CAVIN1: variants seen among roughly 807,000 people sequenced by gnomAD.
CAVIN1 encodes caveolae-associated protein 1.
CAVIN1 carries 16 observed loss-of-function variants against 24.0 expected under a neutral mutation model. That is an observed-to-expected ratio of 0.67 (90% confidence interval 0.45 to 1.01). CAVIN1 has a LOEUF of 1.01. CAVIN1 is among the 50% of genes least tolerant of loss of function. The pLI is 0.00. For synonymous variants in CAVIN1, 256 were observed against 256.4 expected (o/e 1.00, Z 0.02); for missense variants, 510 against 551.7 (o/e 0.92, Z 0.76).
chr17:42,411,499 T>C, intron 1 of CAVIN1: 3 of 985,038 alleles, frequency 3.0e-6, no homozygotes, highest in Non-Finnish European at 2.4e-6. Context: ...CATCTGTGAG[T>C]TGGCAGCTTT....
At position 42,422,985 on chromosome 17, in the gene CAVIN1, G is replaced by A; in HGVS notation, c.113C>T (p.Ala38Val). 6.2e-7 allele frequency: 1 copy of A among 1,613,542 alleles called. No individual in the cohort carries two copies. Among genetic ancestry groups the A allele is most frequent in the Non-Finnish European group, 8.5e-7 (1 of 1,179,920 alleles). ...GAQAAEEPSG[A>V]GSEELIKSDQ... is the part of the protein sequence containing the mutation. The stretch of plus-strand genomic sequence containing the variant: ...CGACTTGATCAGCTCTTCTGAGCCG[G>A]CCCCCGACGGCTCCTCCGCTGCCTG... Residue 38 changes from alanine to valine, a missense_variant, in exon 1 of 2, where the codon GCC (alanine) becomes GTC (valine). Ala to Val is a moderately conservative substitution (Grantham distance 64). Transcript: ENST00000357037.
In CAVIN1 at chr17:42,405,102, T is replaced by C; in HGVS notation, c.758A>G (p.Glu253Gly). The C allele has an allele frequency of 1.2e-6, 2 of 1,613,958 alleles. No individual in the cohort carries two copies. Among genetic ancestry groups the C allele is most frequent in the Non-Finnish European group, 8.5e-7 (1 of 1,179,972 alleles). ...TTCCTTGGTCTTGAGGCGCGTCTTC[T>C]CCAGGTTCTCGCGGGTACGCACCTT... Reference protein sequence around the residue: ...KTKVRTRENLEKTRLKTKENL... With the variant: ...KTKVRTRENLGKTRLKTKENL... Residue 253 changes from glutamate (E) to glycine (G), a missense_variant, in exon 2 of 2, where the codon GAG becomes GGG. Coordinates refer to ENST00000357037, the MANE Select transcript of CAVIN1 (RefSeq NM_012232.6).
Position 42,404,687 on chromosome 17 carries a change from T to C in CAVIN1, c.1173A>G (p.Ter391TrpextTer31). 6.9e-7 allele frequency: 1 copy of C among 1,453,498 alleles called. No homozygotes were observed. The highest frequency in any genetic ancestry group is 9.0e-7 in the Non-Finnish European group (1 of 1,108,326). The allele number at this position is 1,453,498 out of a possible 1,614,324, so 90.0% of individuals were successfully genotyped here. ...AVLVDKSDSD* is the reference protein window; with the variant it reads ...AVLVDKSDSDW ...TGGGGTGGGTGGCAGCGGGGGCGGC[T>C]CAGTCGCTGTCGCTCTTGTCCACCA... is the stretch of plus-strand genomic sequence containing the variant. Residue 391 changes from the stop codon to tryptophan, a stop_lost, in exon 2 of 2, where the codon TGA (stop) becomes TGG (tryptophan). Coordinates refer to ENST00000357037, the MANE Select transcript of CAVIN1 (RefSeq NM_012232.6).
Position 42,404,677 on chromosome 17 carries a change from CG to C in CAVIN1, c.*9del. The stretch of plus-strand genomic sequence containing the variant: ...GAGCGAGGAATGGGGTGGGTGGCAG[CG>C]GGGGCGGCTCAGTCGCTGTCGCTCT... On this transcript the variant is annotated 3_prime_UTR_variant, in exon 2 of 2. Transcript: ENST00000357037. The C allele has an allele frequency of 6.3e-6, 9 of 1,428,970 alleles. No individual in the cohort carries two copies. Among genetic ancestry groups the C allele is most frequent in the South Asian group, 2.9e-5 (2 of 69,020 alleles). The allele number at this position is 1,428,970 out of a possible 1,614,324, so 88.5% of individuals were successfully genotyped here. A position where few individuals can be genotyped will look rare whatever the true frequency, so the allele number is the denominator to read the frequency against.
intron 1 of CAVIN1, among the ~76,000 whole-genome samples, chr17:42,406,846 G>A (rs1022880927): frequency 1.3e-5 from 2 of 152,042 alleles, no homozygotes; most frequent in Admixed American, 6.6e-5. Flanking sequence ...TGGGAGCCAC[G>A]GACATGTTTT....
At chr17:42,414,462 C>G (rs1279244664) in intron 1 of CAVIN1, among the ~76,000 whole-genome samples, 1 of 151,908 alleles carries the variant, frequency 6.6e-6, no homozygotes, top group Non-Finnish European at 1.5e-5. Context: ...TGGCTTCAAA[C>G]TCCTAGTCTC....
chr17:42,415,080 A>G (rs1407803714), intron 1 of CAVIN1, among the ~76,000 whole-genome samples: 1 of 151,992 alleles, frequency 6.6e-6, no homozygotes, highest in Non-Finnish European at 1.5e-5. Flanking sequence ...GGCCACTCAT[A>G]GCCAACGCCA....
chr17:42,422,506 G>A, intron 1 of CAVIN1, 121 bp downstream of exon 1: 1 of 441,532 alleles, frequency 2.3e-6, no homozygotes, highest in East Asian at 6.8e-5. Context: ...GGATCTGCCG[G>A]GCGCCCGGGC....
intron 1 of CAVIN1, among the ~76,000 whole-genome samples, chr17:42,414,585 T>G (rs955774994): frequency 6.6e-6 from 1 of 152,132 alleles, no homozygotes; most frequent in Non-Finnish European, 1.5e-5. Flanking sequence ...CTGGGACCTC[T>G]GGACCTCTGC....
At position 42,404,665 on chromosome 17, in the gene CAVIN1, G is replaced by C; in HGVS notation, c.*22C>G. 1 of 1,386,132 alleles carries C rather than the reference G, an allele frequency of 7.2e-7. No individual in the cohort carries two copies. The highest frequency in any genetic ancestry group is 9.5e-7 in the Non-Finnish European group (1 of 1,057,510). The allele number at this position is 1,386,132 out of a possible 1,614,324, so 85.9% of individuals were successfully genotyped here. On this transcript the variant is annotated 3_prime_UTR_variant, in exon 2 of 2. Transcript: ENST00000357037. ...GAAGTTCGGAAGGAGCGAGGAATGG[G>C]GTGGGTGGCAGCGGGGGCGGCTCAG...
Position 42,415,986 on chromosome 17 carries a change from A to C in CAVIN1, c.471+6641T>G, listed in dbSNP as rs1392217537. ...AAAAGGCCGCGTGGCTCACGCCTGT[A>C]ACCCCAGCACTTTGGGCGGCCAAGG... On this transcript the variant is annotated intron_variant, in intron 1 of 1. Transcript: ENST00000357037. Among the ~76,000 whole-genome samples the C allele has an allele frequency of 2.6e-5, 4 of 152,208 alleles. No homozygotes were observed. In the East Asian group the frequency reaches 7.7e-4, roughly 29 times the overall value.
chr17:42,406,624 G>T (rs1348621324), intron 1 of CAVIN1, among the ~76,000 whole-genome samples: 1 of 151,966 alleles, frequency 6.6e-6, no homozygotes, highest in Non-Finnish European at 1.5e-5. Context: ...TGATCCACCC[G>T]CCTTGGCCTC....
At chr17:42,416,377 AG>A (rs1255754680) in intron 1 of CAVIN1, among the ~76,000 whole-genome samples, 36 of 8,176 alleles carry the variant, frequency 4.4e-3, no homozygotes, top group Middle Eastern at 0.5. Flanking sequence ...AAGAAAGAAG[AG>A]AGAGAGAGAG....
chr17:42,421,256 T>G (rs2085543287), intron 1 of CAVIN1, among the ~76,000 whole-genome samples: 1 of 152,032 alleles, frequency 6.6e-6, no homozygotes, highest in Non-Finnish European at 1.5e-5. Flanking sequence ...GCATCTATCT[T>G]AACTCCTCCT....
chr17:42,420,141 C>A lies in CAVIN1; in HGVS notation c.471+2486G>T, dbSNP rs557036422. On this transcript the variant is annotated intron_variant, in intron 1 of 1. Transcript: ENST00000357037. ...CCCTGTAGTGGGGAATACAGCATCC[C>A]TTCCCCTATGGCCCCTCCAGAGAAT... Among the ~76,000 whole-genome samples, 6 of 152,220 alleles carry A rather than the reference C, an allele frequency of 3.9e-5. No individual in the cohort carries two copies. In the South Asian group the frequency reaches 1.2e-3, roughly 32 times the overall value.
At chr17:42,410,681 A>C (rs1021931926) in intron 1 of CAVIN1, among the ~76,000 whole-genome samples, 4 of 151,952 alleles carry the variant, frequency 2.6e-5, no homozygotes, top group African/African-American at 4.8e-5. Context: ...TGGGAGGCCG[A>C]GGTGGGCAGA....
At position 42,405,117 on chromosome 17, in the gene CAVIN1, G is replaced by C. The variant is rs1239077815; in HGVS notation, c.743C>G (p.Thr248Ser). The C allele has an allele frequency of 6.2e-7, 1 of 1,613,770 alleles. No homozygotes were observed. The highest frequency in any genetic ancestry group is 1.1e-5 in the South Asian group (1 of 91,080). Reference protein sequence around the residue: ...KEKMEKTKVRTRENLEKTRLK... With the variant: ...KEKMEKTKVRSRENLEKTRLK... Reference sequence around the variant, plus strand: ...GCGCGTCTTCTCCAGGTTCTCGCGGGTACGCACCTTGGTCTTCTCCATCTT... The same window carrying C: ...GCGCGTCTTCTCCAGGTTCTCGCGGCTACGCACCTTGGTCTTCTCCATCTT... The change falls in exon 2 of 2, where the codon ACC (threonine) becomes AGC (serine). Residue 248 changes from threonine to serine, a missense_variant. By Grantham distance (58) the Thr-to-Ser change is moderately conservative. Coordinates refer to ENST00000357037, the MANE Select transcript of CAVIN1 (RefSeq NM_012232.6).
chr17:42,417,963 T>C (rs1172377137), intron 1 of CAVIN1, among the ~76,000 whole-genome samples: 3 of 152,090 alleles, frequency 2.0e-5, no homozygotes, highest in Non-Finnish European at 4.4e-5. Context: ...CCATGGCTAT[T>C]GCACCTTTTC....
chr17:42,407,106 G>C (rs2085450792), intron 1 of CAVIN1, among the ~76,000 whole-genome samples: 1 of 150,162 alleles, frequency 6.7e-6, no homozygotes, highest in Non-Finnish European at 1.5e-5. Flanking sequence ...GATTTTCCAA[G>C]ATCTTGACTC....
Sources: gnomAD v4.1 joint callset for allele counts (sites outside exome capture counted in the v4.1 genomes callset) on GRCh38, gnomAD v4.1.1 for gene constraint, MANE v1.5 for transcripts, NCBI Gene and HGNC (gene_info 2026-07-23, HGNC 2026-07-21) for gene names.